Variants in WDFY3 observed in about 807,000 individuals in gnomAD.
WDFY3 encodes WD repeat and FYVE domain containing 3, also known as WD repeat and FYVE domain-containing protein 3.
In WDFY3, 66 loss-of-function variants were observed where a neutral mutation model predicts 409.6. The ratio of observed to expected loss-of-function variants is 0.16; its 90% confidence interval spans 0.13 to 0.20. The LOEUF is 0.20. WDFY3 is among the 10% of genes least tolerant of loss of function. The pLI is 1.00. For synonymous variants in WDFY3, 1,521 were observed against 1,537.1 expected, an observed-to-expected ratio of 0.99 and a Z score of 0.25; for missense variants, 3,031 against 4,298.1, an observed-to-expected ratio of 0.71 and a Z score of 8.24.
chr4:84,935,361 A>G (rs1397613796), intron 1 of WDFY3, among the ~76,000 whole-genome samples: 1 of 152,162 alleles, frequency 6.6e-6, no homozygotes, highest in East Asian at 1.9e-4. Context: ...TACCACATCT[A>G]CAGCCTCTCC....
chr4:84,849,495 C>T (rs148069178), intron 5 of WDFY3, among the ~76,000 whole-genome samples: 2,171 of 143,214 alleles, frequency 0.015, 27 homozygotes, highest in South Asian at 0.032. Flanking sequence ...AGAGTATACA[C>T]ATGTTTGAAG....
rs191847282 is a variant in WDFY3, at chr4:84,722,216, C to T, written c.7442-644G>A. ...TAGCCTGGGCAACATGGCAAAACCC[C>T]GTCTCTACTAAAAATACAAAAATTA... On this transcript the variant is annotated intron_variant, in intron 46 of 67. Transcript: ENST00000295888. Among the ~76,000 whole-genome samples the T allele has an allele frequency of 4.3e-3, 655 of 152,048 alleles. 4 individuals carry two copies. Among genetic ancestry groups the T allele is most frequent in the African/African-American group, 0.014 (586 of 41,466 alleles).
At chr4:84,783,538 A>G (rs1467210425) in intron 24 of WDFY3, among the ~76,000 whole-genome samples, 3 of 152,218 alleles carry the variant, frequency 2.0e-5, no homozygotes, top group Admixed American at 6.5e-5. Context: ...AACACAATTT[A>G]CTGAGATAAA....
At chr4:84,780,067 G>T in intron 26 of WDFY3, 41 bp downstream of exon 26, 2 of 1,504,330 alleles carry the variant, frequency 1.3e-6, no homozygotes, top group South Asian at 1.4e-5. Context: ...GAGTATTTTA[G>T]GTGCCAGGTG....
At position 84,801,747 on chromosome 4, in the gene WDFY3, T is replaced by C. The variant is rs1750606141; in HGVS notation, c.2725A>G (p.Ser909Gly). Residue 909 changes from serine (S) to glycine (G), a missense_variant, in exon 17 of 68, where the codon AGT (serine) becomes GGT (glycine). Transcript: ENST00000295888. ...TGGTCCTCATCAGCCAATGCAGCAC[T>C]GCACCTCTGCAGCAGTCGTGCATGA... ...GLHARLLQRC[S>G]AALADEDHSL... 6.2e-7 allele frequency: 1 copy of C among 1,613,894 alleles called. No homozygotes were observed. Among genetic ancestry groups the C allele is most frequent in the Non-Finnish European group, 8.5e-7 (1 of 1,180,000 alleles).
intron 51 of WDFY3, among the ~76,000 whole-genome samples, chr4:84,710,933 T>C (rs1266535781): frequency 6.6e-6 from 1 of 152,200 alleles, no homozygotes; most frequent in African/African-American, 2.4e-5. Context: ...AAAAAAAGCA[T>C]ATATTTAGCA....
At chr4:84,827,885 G>A (rs1215932313) in intron 9 of WDFY3, among the ~76,000 whole-genome samples, 1 of 152,100 alleles carries the variant, frequency 6.6e-6, no homozygotes, top group African/African-American at 2.4e-5. Context: ...GGGAGGCTAA[G>A]GCAGGAGGAC....
intron 1 of WDFY3, among the ~76,000 whole-genome samples, chr4:84,952,253 T>C (rs1437166728): frequency 6.6e-6 from 1 of 152,200 alleles, no homozygotes; most frequent in African/African-American, 2.4e-5. Context: ...TGGGAATCAC[T>C]GAACTTATTT....
intron 1 of WDFY3, among the ~76,000 whole-genome samples, chr4:84,949,643 A>T (rs1773345014): frequency 6.6e-6 from 1 of 152,172 alleles, no homozygotes; most frequent in African/African-American, 2.4e-5. Flanking sequence ...AGTGCCAAAA[A>T]ATGGGACTCC....
intron 3 of WDFY3, among the ~76,000 whole-genome samples, chr4:84,863,449 T>C (rs1375564939): frequency 6.6e-6 from 1 of 152,206 alleles, no homozygotes; most frequent in Admixed American, 6.5e-5. Context: ...ATTGTGGTTT[T>C]GATCAGCATT....
chr4:84,690,454 G>A, intron 61 of WDFY3, 52 bp downstream of exon 61: 1 of 1,613,388 alleles, frequency 6.2e-7, no homozygotes, highest in Non-Finnish European at 8.5e-7. Flanking sequence ...ACAGGGTGTA[G>A]GCACAGGAGA....
intron 10 of WDFY3, among the ~76,000 whole-genome samples, chr4:84,824,577 C>A (rs1754577750): frequency 6.6e-6 from 1 of 152,050 alleles, no homozygotes; most frequent in Non-Finnish European, 1.5e-5. Flanking sequence ...CTAGTGGTTG[C>A]CAGGGCAAGG....
intron 14 of WDFY3, chr4:84,809,599 C>T (rs7681742): frequency 0.11 from 30,021 of 277,242 alleles, 2,439 homozygotes; most frequent in African/African-American, 0.27. Context: ...AAAAAAACAA[C>T]AGTAAACACT....
intron 61 of WDFY3, among the ~76,000 whole-genome samples, chr4:84,689,946 T>C (rs1390654658): frequency 2.0e-5 from 3 of 152,210 alleles, no homozygotes; most frequent in Non-Finnish European, 4.4e-5. Flanking sequence ...ACAGATCAAA[T>C]ATTAAGAAAT....
At chr4:84,868,315 T>G (rs1578894446) in intron 3 of WDFY3, among the ~76,000 whole-genome samples, 1 of 149,356 alleles carries the variant, frequency 6.7e-6, no homozygotes, top group African/African-American at 2.5e-5. Context: ...TTTTTAAGAA[T>G]AAAGGCAAAA....
intron 4 of WDFY3, among the ~76,000 whole-genome samples, chr4:84,859,963 C>T (rs756428326): frequency 6.6e-6 from 1 of 152,220 alleles, no homozygotes; most frequent in African/African-American, 2.4e-5. Flanking sequence ...TTTGAATTAT[C>T]TATAGCCTAT....
At chr4:84,939,229 G>A (rs1771806045) in intron 1 of WDFY3, among the ~76,000 whole-genome samples, 1 of 152,090 alleles carries the variant, frequency 6.6e-6, no homozygotes, top group Non-Finnish European at 1.5e-5. Flanking sequence ...CTTGTCGAAT[G>A]TTTCCTCGTG....
intron 30 of WDFY3, among the ~76,000 whole-genome samples, chr4:84,768,640 C>A (rs1475177820): frequency 6.6e-6 from 1 of 152,176 alleles, no homozygotes; most frequent in Non-Finnish European, 1.5e-5. Context: ...TTTCAAGATA[C>A]TACCAGCTCA....
chr4:84,765,246 C>G (rs1743431394), intron 32 of WDFY3, among the ~76,000 whole-genome samples: 1 of 152,252 alleles, frequency 6.6e-6, no homozygotes, highest in Admixed American at 6.5e-5. Context: ...CTGCAATTTT[C>G]TAACATTAGG....
Sources: gnomAD v4.1 joint callset for allele counts (sites outside exome capture counted in the v4.1 genomes callset) on GRCh38, gnomAD v4.1.1 for gene constraint, MANE v1.5 for transcripts, NCBI Gene and HGNC (gene_info 2026-07-23, HGNC 2026-07-21) for gene names.